PCSK2: variants seen among roughly 807,000 people sequenced by gnomAD.
The protein encoded by PCSK2 is neuroendocrine convertase 2.
Under a neutral mutation model 69.7 loss-of-function variants are expected in PCSK2, and 14 were observed. The ratio of observed to expected loss-of-function variants is 0.20; its 90% CI spans 0.13 to 0.31. The LOEUF (loss-of-function observed/expected upper bound fraction) is 0.31. PCSK2 is among the 10% of genes least tolerant of loss of function. The probability of loss-of-function intolerance (pLI) is 1.00; values close to 1 mark genes in which losing one functional copy is unlikely to be tolerated. For synonymous variants in PCSK2, 307 were observed against 320.7 expected (o/e 0.96, Z 0.46); for missense variants, 544 against 842.5 (o/e 0.65, Z 4.39).
chr20:17,438,406 T>C (rs1568650483), intron 8 of PCSK2, among the ~76,000 whole-genome samples: 2 of 152,126 alleles, frequency 1.3e-5, no homozygotes, highest in African/African-American at 2.4e-5. Flanking sequence ...GAGTGGGCAA[T>C]TGAAGGCTGC....
intron 7 of PCSK2, 152 bp from the exon 8 acceptor site, chr20:17,436,556 C>T (rs1448910965): frequency 1.7e-6 from 1 of 597,788 alleles, no homozygotes; most frequent in Non-Finnish European, 2.9e-6. Context: ...CCGTCTGTGC[C>T]TCTTTCTTGA....
chr20:17,481,889 C>T lies in PCSK2; in HGVS notation c.1736C>T (p.Pro579Leu), dbSNP rs757067763. 6 of 1,613,966 alleles carry T rather than the reference C, an allele frequency of 3.7e-6. No individual in the cohort carries two copies. The highest frequency in any genetic ancestry group is 2.2e-5 in the East Asian group (1 of 44,880). Residue 579 changes from proline to leucine, a missense_variant, in exon 12 of 12, where the codon CCG becomes CTG. By Grantham distance (98) the Pro-to-Leu change is moderately conservative (BLOSUM62 -3). Coordinates refer to ENST00000262545, the MANE Select transcript of PCSK2 (RefSeq NM_002594.5). Reference sequence around the variant, plus strand: ...GAGCTGGGATTTGTCGGCAGCGCCCCGCAGAAGGGGGTGCTGAAGGAGTGG... The same window carrying T: ...GAGCTGGGATTTGTCGGCAGCGCCCTGCAGAAGGGGGTGCTGAAGGAGTGG... ...TLELGFVGSAPQKGVLKEWTL... is the reference protein window; with the variant it reads ...TLELGFVGSALQKGVLKEWTL...
intron 2 of PCSK2, among the ~76,000 whole-genome samples, chr20:17,277,604 A>C (rs77858815): frequency 0.18 from 24,909 of 141,434 alleles, 2,352 homozygotes; most frequent in Middle Eastern, 0.26. Flanking sequence ...TAGACCTAAA[A>C]CCATAAAAAC....
intron 2 of PCSK2, among the ~76,000 whole-genome samples, chr20:17,274,431 G>A (rs956129719): frequency 2.0e-4 from 31 of 152,146 alleles, no homozygotes; most frequent in African/African-American, 7.0e-4. Flanking sequence ...CTGGTAGAAC[G>A]TGGTGGGAGT....
At chr20:17,319,239 A>C (rs1271830077) in intron 2 of PCSK2, among the ~76,000 whole-genome samples, 1 of 152,242 alleles carries the variant, frequency 6.6e-6, no homozygotes, top group East Asian at 1.9e-4. Flanking sequence ...TATGTAACAA[A>C]CCATTAAGAC....
chr20:17,339,745 G>A (rs1227230727), intron 2 of PCSK2, among the ~76,000 whole-genome samples: 2 of 152,124 alleles, frequency 1.3e-5, no homozygotes, highest in Non-Finnish European at 2.9e-5. Context: ...TGAGGAGCTG[G>A]TACACACTGA....
Position 17,409,229 on chromosome 20 carries a change from G to T in PCSK2, c.544-34G>T, listed in dbSNP as rs1174810986. On this transcript the variant is annotated intron_variant, in intron 5 of 11. Coordinates refer to ENST00000262545, the MANE Select transcript of PCSK2 (RefSeq NM_002594.5). ...CTTTCCCTTTACTGCGCCTCTGGCT[G>T]TACGGACCTAATGAGATGCCTTGTG... 1.9e-6 allele frequency: 3 copies of T among 1,560,680 alleles called. No individual in the cohort carries two copies. In the African/African-American group the frequency reaches 4.1e-5, roughly 21 times the overall value.
Position 17,449,526 on chromosome 20 carries a change from G to GTGTATA in PCSK2, c.886-4215_886-4214insGTATAT, listed in dbSNP as rs1555796488. On this transcript the variant is annotated intron_variant, in intron 8 of 11. Transcript: ENST00000262545. ...AATATACATATATATATGTATGTAT[G>GTGTATA]TATATATATATATGTATATTTGAGA... Among the ~76,000 whole-genome samples the GTGTATA allele has an allele frequency of 7.6e-4, 99 of 130,694 alleles. 3 individuals carry two copies. The highest frequency in any genetic ancestry group is 2.6e-3 in the African/African-American group (88 of 33,680). 85.7% of individuals were successfully genotyped at this position (130,694 alleles called of 152,430 possible).
In PCSK2 at chr20:17,456,365, C is replaced by T. The variant is rs538265087; in HGVS notation, c.1119C>T (p.Tyr373=). 2.1e-5 allele frequency: 34 copies of T among 1,609,088 alleles called. No homozygotes were observed. Among genetic ancestry groups the T allele is most frequent in the Admixed American group, 1.7e-4 (10 of 59,980 alleles). Residue 373 remains tyrosine, a synonymous_variant, in exon 10 of 12, where the codon TAC becomes TAT. Transcript: ENST00000262545. The part of the protein sequence containing the change: ...PEAGVATTDL[Y]GNCTLRHSGT... ...CCTTCCAGGCAACCACAGATTTGTA[C>T]GGCAACTGCACTCTGAGGCATTCTG...
intron 2 of PCSK2, among the ~76,000 whole-genome samples, chr20:17,317,203 TAAA>T (rs1272018447): frequency 6.6e-6 from 1 of 152,134 alleles, no homozygotes; most frequent in Non-Finnish European, 1.5e-5. Context: ...CTCTCCCTAA[TAAA>T]GAAGAACTTG....
At position 17,333,910 on chromosome 20, in the gene PCSK2, CATAT is replaced by C. The variant is rs3076241; in HGVS notation, c.283-24394_283-24391del. Among the ~76,000 whole-genome samples the C allele has an allele frequency of 5.0e-3, 429 of 86,302 alleles. 32 individuals carry two copies. Among genetic ancestry groups the C allele is most frequent in the Middle Eastern group, 0.016 (3 of 186 alleles). 56.6% of individuals were successfully genotyped at this position (86,302 alleles called of 152,430 possible). ...TACATTTCTTCCTTCTAAGTCACTG[CATAT>C]ATATATATATATATATATATATGGC... On this transcript the variant is annotated intron_variant, in intron 2 of 11. Coordinates refer to ENST00000262545, the MANE Select transcript of PCSK2 (RefSeq NM_002594.5).
At chr20:17,354,749 T>A (rs2030136015) in intron 2 of PCSK2, among the ~76,000 whole-genome samples, 1 of 152,186 alleles carries the variant, frequency 6.6e-6, no homozygotes, top group African/African-American at 2.4e-5. Flanking sequence ...CATATTACAA[T>A]TCTTATGGTA....
intron 2 of PCSK2, among the ~76,000 whole-genome samples, chr20:17,335,356 G>A (rs181584286): frequency 3.5e-3 from 531 of 151,640 alleles, no homozygotes; most frequent in Admixed American, 5.2e-3. Flanking sequence ...TGACTGGCTT[G>A]CCCTAGGCCA....
intron 6 of PCSK2, among the ~76,000 whole-genome samples, chr20:17,421,162 G>A (rs1464627225): frequency 6.6e-6 from 1 of 152,172 alleles, no homozygotes; most frequent in Admixed American, 6.5e-5. Context: ...ATTGAAAAAG[G>A]AGTTATAGCC....
chr20:17,300,802 T>C (rs1320489254), intron 2 of PCSK2, among the ~76,000 whole-genome samples: 1 of 152,224 alleles, frequency 6.6e-6, no homozygotes, highest in Non-Finnish European at 1.5e-5. Flanking sequence ...TTTACCAAAA[T>C]TACCCTCAAA....
intron 2 of PCSK2, among the ~76,000 whole-genome samples, chr20:17,335,200 G>GGGA (rs1990312157): frequency 1.8e-5 from 2 of 110,154 alleles, no homozygotes; most frequent in Non-Finnish European, 4.0e-5. Context: ...GATTGGGGGG[G>GGGA]TTGTCTGAAG....
At chr20:17,380,014 C>T (rs2031045349) in intron 5 of PCSK2, among the ~76,000 whole-genome samples, 2 of 152,186 alleles carry the variant, frequency 1.3e-5, no homozygotes, top group African/African-American at 4.8e-5. Flanking sequence ...CTCACTCCTA[C>T]AACCACAAAC....
chr20:17,229,229 C>A (rs1258422131), intron 1 of PCSK2, among the ~76,000 whole-genome samples: 1 of 151,650 alleles, frequency 6.6e-6, no homozygotes, highest in Admixed American at 6.6e-5. Flanking sequence ...GAAAAGGGTG[C>A]GAGATAAAAA....
At chr20:17,268,237 A>G (rs192660470) in intron 2 of PCSK2, among the ~76,000 whole-genome samples, 16 of 152,086 alleles carry the variant, frequency 1.1e-4, no homozygotes, top group Non-Finnish European at 2.1e-4. Flanking sequence ...CTGAAATATA[A>G]CAGTGAACAA....
Sources: allele counts gnomAD v4.1 joint callset (sites outside exome capture counted in the v4.1 genomes callset), GRCh38; gene constraint gnomAD v4.1.1; transcripts MANE v1.5; gene names NCBI Gene and HGNC (gene_info 2026-07-23, HGNC 2026-07-21).